Variants in INSC observed in about 807,000 individuals in gnomAD.
INSC encodes the protein INSC spindle orientation adaptor protein.
A neutral mutation model predicts 58.6 loss-of-function variants in INSC; 67 were observed. The ratio of observed to expected loss-of-function variants is 1.14; its 90% CI spans 0.94 to 1.40. INSC has a LOEUF of 1.40. INSC is among the 40% of genes most tolerant of loss of function. The pLI, the probability that INSC is intolerant of heterozygous loss-of-function variation, is 0.00. For synonymous variants in INSC, 262 were observed against 276.1 expected (o/e 0.95, Z 0.51); for missense variants, 714 against 692.0 (o/e 1.03, Z -0.36).
At chr11:15,266,467 T>C in the INSC span, among the ~76,000 whole-genome samples, 1 of 152,122 alleles carries the variant, frequency 6.6e-6, no homozygotes, top group South Asian at 2.1e-4. Context: ...GAGAATAGAC[T>C]AGTAAAGACA....
intron 2 of INSC, among the ~76,000 whole-genome samples, chr11:15,154,750 C>G (rs971700632): frequency 6.6e-6 from 1 of 152,118 alleles, no homozygotes; most frequent in East Asian, 1.9e-4. Context: ...CCCCAGGGAC[C>G]CTTCCAGCTT....
chr11:15,229,971 T>TAATATA (rs1564917129), intron 9 of INSC, among the ~76,000 whole-genome samples: 2 of 11,578 alleles, frequency 1.7e-4, no homozygotes, highest in African/African-American at 7.9e-4. Context: ...TATATATATA[T>TAATATA]ATATATATTA....
the INSC span, among the ~76,000 whole-genome samples, chr11:15,266,515 T>C: frequency 3.3e-5 from 5 of 152,032 alleles, no homozygotes; most frequent in African/African-American, 1.2e-4. Context: ...TGAGGTGCTG[T>C]AAGAAAGGCA....
chr11:15,170,668 A>G (rs1055415461), intron 2 of INSC, among the ~76,000 whole-genome samples: 1 of 151,484 alleles, frequency 6.6e-6, no homozygotes, highest in Non-Finnish European at 1.5e-5. Flanking sequence ...CCTTTTCTAT[A>G]CTCTTTTCTT....
intron 1 of INSC, among the ~76,000 whole-genome samples, chr11:15,146,342 G>T (rs1401367671): frequency 1.3e-5 from 2 of 152,226 alleles, no homozygotes; most frequent in African/African-American, 4.8e-5. Flanking sequence ...CATTCAGCAA[G>T]ATTTGGCTTT....
upstream of INSC, chr11:15,112,552 G>GGCTGT (rs756028384): frequency 1.2e-6 from 2 of 1,607,082 alleles, no homozygotes; most frequent in East Asian, 4.5e-5. Flanking sequence ...GAGTCCAGGA[G>GGCTGT]GCTGTGCTGT....
intron 9 of INSC, among the ~76,000 whole-genome samples, chr11:15,226,909 G>A (rs891746838): frequency 6.6e-6 from 1 of 152,172 alleles, no homozygotes; most frequent in African/African-American, 2.4e-5. Flanking sequence ...CCTAGAGCTG[G>A]TGCCCTTGGT....
At chr11:15,129,031 A>C (rs1433045455) in intron 1 of INSC, among the ~76,000 whole-genome samples, 1 of 152,224 alleles carries the variant, frequency 6.6e-6, no homozygotes, top group Non-Finnish European at 1.5e-5. Context: ...CAATCCAGCC[A>C]GATCTTTGCT....
chr11:15,124,325 C>T (rs7121511), intron 1 of INSC, among the ~76,000 whole-genome samples: 74,211 of 151,540 alleles, frequency 0.49, 18,995 homozygotes, highest in Non-Finnish European at 0.58. Flanking sequence ...GAATGGGAGA[C>T]CAGAAGTGGC....
intron 2 of INSC, among the ~76,000 whole-genome samples, chr11:15,167,420 G>C (rs182844638): frequency 1.3e-5 from 2 of 152,150 alleles, no homozygotes; most frequent in Non-Finnish European, 2.9e-5. Context: ...TGGGGAGAAA[G>C]AGTTGCTGCT....
chr11:15,127,460 C>T (rs1365447412), intron 1 of INSC, among the ~76,000 whole-genome samples: 1 of 152,172 alleles, frequency 6.6e-6, no homozygotes, highest in Admixed American at 6.5e-5. Flanking sequence ...GGCCGTAGAT[C>T]CTGCCAACCT....
chr11:15,241,473 A>C (rs952819012), intron 12 of INSC: 1 of 671,528 alleles, frequency 1.5e-6, no homozygotes, highest in African/African-American at 1.8e-5. Flanking sequence ...TGTACCATTA[A>C]TGAGCTGTGT....
intron 7 of INSC, among the ~76,000 whole-genome samples, chr11:15,206,219 C>T (rs1850791185): frequency 6.6e-6 from 1 of 152,132 alleles, no homozygotes; most frequent in Non-Finnish European, 1.5e-5. Flanking sequence ...AAGGGCTGTC[C>T]CATGGCCATC....
intron 1 of INSC, among the ~76,000 whole-genome samples, chr11:15,135,789 G>T (rs1167112437): frequency 6.6e-6 from 1 of 152,162 alleles, no homozygotes; most frequent in Non-Finnish European, 1.5e-5. Flanking sequence ...TAATAGAATG[G>T]CACAGACTGG....
intron 2 of INSC, among the ~76,000 whole-genome samples, chr11:15,169,020 C>G (rs16931129): frequency 6.6e-6 from 1 of 152,120 alleles, no homozygotes; most frequent in Non-Finnish European, 1.5e-5. Flanking sequence ...CTCTTCCTAC[C>G]CTTATGCCAG....
intron 7 of INSC, among the ~76,000 whole-genome samples, chr11:15,214,254 C>A (rs573921764): frequency 6.6e-6 from 1 of 152,282 alleles, no homozygotes; most frequent in East Asian, 1.9e-4. Context: ...GATTCCCACT[C>A]ATCATGTATT....
At chr11:15,183,656 A>G (rs575115912) in intron 5 of INSC, among the ~76,000 whole-genome samples, 12 of 152,164 alleles carry the variant, frequency 7.9e-5, no homozygotes, top group East Asian at 1.9e-4. Context: ...CCTTTCAGCT[A>G]TTTTTCACAC....
intron 2 of INSC, among the ~76,000 whole-genome samples, chr11:15,161,848 T>A (rs1175284744): frequency 2.0e-5 from 3 of 152,196 alleles, no homozygotes; most frequent in Non-Finnish European, 2.9e-5. Flanking sequence ...ATTAGAGTAG[T>A]CACATTTCCT....
intron 2 of INSC, among the ~76,000 whole-genome samples, chr11:15,152,798 G>A (rs550675130): frequency 1.3e-5 from 2 of 152,172 alleles, no homozygotes; most frequent in Non-Finnish European, 2.9e-5. Flanking sequence ...CAGCAGCTGG[G>A]ACAATAAATC....
Sources: allele counts gnomAD v4.1 joint callset (sites outside exome capture counted in the v4.1 genomes callset), GRCh38; gene constraint gnomAD v4.1.1; transcripts MANE v1.5; gene names NCBI Gene and HGNC (gene_info 2026-07-23, HGNC 2026-07-21).